ANKFN1: variants seen among roughly 807,000 people sequenced by gnomAD.
ANKFN1 encodes the protein ankyrin repeat and fibronectin type-III domain-containing protein 1.
Under a neutral mutation model 108.7 loss-of-function variants are expected in ANKFN1, and 74 were observed. The ratio of observed to expected loss-of-function variants is 0.68; its 90% confidence interval spans 0.56 to 0.83. The LOEUF is 0.83. Ranked by LOEUF, ANKFN1 falls within the 40% of genes least tolerant of loss-of-function variation. The probability of loss-of-function intolerance (pLI) is 0.00; values close to 1 mark genes in which losing one functional copy is unlikely to be tolerated. For synonymous variants in ANKFN1, 547 were observed against 516.2 expected (o/e 1.06, Z -0.81); for missense variants, 1,505 against 1,382.3 (o/e 1.09, Z -1.41).
intron 19 of ANKFN1, among the ~76,000 whole-genome samples, chr17:56,494,441 T>C (rs2051133560): frequency 6.6e-6 from 1 of 151,972 alleles, no homozygotes. Context: ...TAGTGGAGCA[T>C]AGTAAGAATA....
intron 6 of ANKFN1, among the ~76,000 whole-genome samples, chr17:56,370,315 T>C (rs1402659252): frequency 1.3e-5 from 2 of 152,078 alleles, no homozygotes; most frequent in Non-Finnish European, 2.9e-5. Context: ...AGAAACAAAA[T>C]GTGTGGTTCT....
intron 4 of ANKFN1, among the ~76,000 whole-genome samples, chr17:56,343,853 G>A (rs561378000): frequency 6.6e-6 from 1 of 151,744 alleles, no homozygotes; most frequent in African/African-American, 2.4e-5. Context: ...ATCTGCTGTT[G>A]AGTATATTTT....
intron 6 of ANKFN1, among the ~76,000 whole-genome samples, chr17:56,364,447 G>A (rs1037762640): frequency 6.6e-6 from 1 of 152,054 alleles, no homozygotes; most frequent in Admixed American, 6.5e-5. Context: ...CTTTCTTATT[G>A]TCATTACTAG....
rs1048836285 is a variant in ANKFN1, at chr17:56,368,159, A to T, written c.602-4487A>T. On this transcript the variant is annotated intron_variant, in intron 6 of 20. Transcript: ENST00000682825. ...ATAAATATTCTGACACCACTGACTG[A>T]TCCAGAGAATGAACCTTTTGATGAA... The T allele has an allele frequency of 3.3e-5, 45 of 1,357,646 alleles. No homozygotes were observed. In the African/African-American group the frequency reaches 6.3e-4, roughly 19 times the overall value. The allele number at this position is 1,357,646 out of a possible 1,614,324, so 84.1% of individuals were successfully genotyped here. A position where few individuals can be genotyped will look rare whatever the true frequency, so the allele number is the denominator to read the frequency against.
At chr17:56,098,501 T>A (rs1484124808) in intron 4 of ANKFN1, among the ~76,000 whole-genome samples, 1 of 152,064 alleles carries the variant, frequency 6.6e-6, no homozygotes, top group Non-Finnish European at 1.5e-5. Context: ...ATAGCATTCA[T>A]CACTCTCTGA....
intron 16 of ANKFN1, 53 bp from the exon 17 acceptor site, chr17:56,480,615 C>A: frequency 6.3e-7 from 1 of 1,580,566 alleles, no homozygotes; most frequent in Non-Finnish European, 8.7e-7. Flanking sequence ...AAGTTCTGAG[C>A]TGTGTTCTGA....
At chr17:56,347,091 T>C (rs1194703972) in intron 4 of ANKFN1, among the ~76,000 whole-genome samples, 1 of 151,840 alleles carries the variant, frequency 6.6e-6, no homozygotes, top group Non-Finnish European at 1.5e-5. Flanking sequence ...TTATTTTAGA[T>C]TAATCTTTAT....
chr17:56,141,923 CTTT>C (rs34394014), intron 4 of ANKFN1, among the ~76,000 whole-genome samples: 3 of 95,644 alleles, frequency 3.1e-5, no homozygotes, highest in Admixed American at 1.3e-4. Context: ...CGATGGTGTA[CTTT>C]TTTTTTTTTT....
chr17:56,418,407 C>G (rs921701558), intron 8 of ANKFN1, among the ~76,000 whole-genome samples: 2 of 151,822 alleles, frequency 1.3e-5, no homozygotes, highest in Non-Finnish European at 2.9e-5. Flanking sequence ...TAAGAGAAGC[C>G]CCTTTGTTTT....
intron 9 of ANKFN1, among the ~76,000 whole-genome samples, chr17:56,442,516 T>G (rs774148066): frequency 1.3e-5 from 2 of 152,220 alleles, no homozygotes; most frequent in Admixed American, 6.5e-5. Context: ...CTTGTAGAAC[T>G]ATGTGACTTT....
chr17:56,408,408 G>C (rs2144976838), intron 8 of ANKFN1, among the ~76,000 whole-genome samples: 1 of 152,180 alleles, frequency 6.6e-6, no homozygotes, highest in African/African-American at 2.4e-5. Context: ...CTGGGTTCCT[G>C]TTATGAATTA....
At chr17:56,433,291 T>A (rs1431296408) in intron 8 of ANKFN1, among the ~76,000 whole-genome samples, 1 of 152,100 alleles carries the variant, frequency 6.6e-6, no homozygotes, top group Non-Finnish European at 1.5e-5. Flanking sequence ...CTGAAGGAAG[T>A]AAAACAAAAA....
chr17:56,516,307 G>A lies in ANKFN1; in HGVS notation c.*5038G>A, dbSNP rs921652531. Among the ~76,000 whole-genome samples, 3 of 151,766 alleles carry A rather than the reference G, an allele frequency of 2.0e-5. No homozygotes were observed. The highest frequency in any genetic ancestry group is 4.8e-5 in the African/African-American group (2 of 41,294). ...GCGTGTGTGGTGGTGTCAGAGAGAT[G>A]TTTCATAGAAAAAGTAATTTAAGTG... On this transcript the variant is annotated 3_prime_UTR_variant, in exon 21 of 21. Coordinates refer to ENST00000682825, the MANE Select transcript of ANKFN1 (RefSeq NM_001370326.1).
chr17:56,185,980 A>G (rs1912162604), intron 1 of ANKFN1, among the ~76,000 whole-genome samples: 1 of 152,224 alleles, frequency 6.6e-6, no homozygotes, highest in Non-Finnish European at 1.5e-5. Flanking sequence ...TTGTTTGGTC[A>G]AAAGAATTAA....
chr17:56,477,366 C>G (rs751605746), intron 15 of ANKFN1, 122 bp from the exon 16 acceptor site: 1 of 964,618 alleles, frequency 1.0e-6, no homozygotes, highest in South Asian at 2.2e-5. Flanking sequence ...GGTTTCTCAC[C>G]TAATTACTTA....
intron 4 of ANKFN1, among the ~76,000 whole-genome samples, chr17:56,087,634 C>A (rs9901411): frequency 6.6e-6 from 1 of 151,278 alleles, no homozygotes; most frequent in Admixed American, 6.6e-5. Context: ...TTGGAACACC[C>A]CTCCCAGTCC....
intron 4 of ANKFN1, among the ~76,000 whole-genome samples, chr17:56,057,786 A>G (rs1021777523): frequency 1.4e-4 from 1 of 7,044 alleles, no homozygotes; most frequent in African/African-American, 9.5e-4. Context: ...CTCTGTCTCA[A>G]AAAAAAAAAA....
At chr17:56,144,267 G>A (rs376331673) in intron 4 of ANKFN1, among the ~76,000 whole-genome samples, 8 of 150,942 alleles carry the variant, frequency 5.3e-5, no homozygotes, top group African/African-American at 2.0e-4. Context: ...GAATCTATCA[G>A]CTATGGTGAA....
At chr17:56,326,187 T>C (rs745586180) in intron 3 of ANKFN1, 34 bp from the exon 4 acceptor site, 1 of 1,594,998 alleles carries the variant, frequency 6.3e-7, no homozygotes. Context: ...CTCTTGCCTG[T>C]AGTGATCCTG....
Sources: allele counts gnomAD v4.1 joint callset (sites outside exome capture counted in the v4.1 genomes callset), GRCh38; gene constraint gnomAD v4.1.1; transcripts MANE v1.5; gene names NCBI Gene and HGNC (gene_info 2026-07-23, HGNC 2026-07-21).